Variants in DENND2B observed in about 807,000 individuals in gnomAD.
DENND2B encodes the protein DENN domain containing 2B.
In DENND2B, 32 loss-of-function variants were observed where a neutral mutation model predicts 116.0. The observed-to-expected ratio is 0.28, with a 90% CI of 0.21 to 0.37. The LOEUF is 0.37. DENND2B is among the 10% of genes least tolerant of loss of function. DENND2B has a pLI of 1.00. For missense variants in DENND2B, 1,276 were observed against 1,477.7 expected (o/e 0.86, Z 2.24); for synonymous variants, 588 against 583.9 (o/e 1.01, Z -0.10).
chr11:8,881,662 A>G (rs1194472484), intron 1 of DENND2B, among the ~76,000 whole-genome samples: 1 of 152,048 alleles, frequency 6.6e-6, no homozygotes, highest in Admixed American at 6.6e-5. Context: ...CAGCCTCCTG[A>G]GTAGCTGGGA....
chr11:8,909,183 C>CA (rs952545321), intron 1 of DENND2B, among the ~76,000 whole-genome samples: 7 of 152,114 alleles, frequency 4.6e-5, no homozygotes, highest in East Asian at 1.9e-4. Flanking sequence ...AACCACAGAG[C>CA]AAAAAAGTGG....
At chr11:8,758,082 G>A (rs1044029331) in intron 1 of DENND2B, among the ~76,000 whole-genome samples, 1 of 152,108 alleles carries the variant, frequency 6.6e-6, no homozygotes, top group Non-Finnish European at 1.5e-5. Context: ...CCTACTGAAC[G>A]GGAATCTGTG....
chr11:8,910,562 G>C (rs557190538), intron 1 of DENND2B, among the ~76,000 whole-genome samples: 156 of 149,586 alleles, frequency 1.0e-3, no homozygotes, highest in South Asian at 4.9e-3. Context: ...TCCTCCTACT[G>C]TGTGTGTGTG....
chr11:8,889,892 T>C (rs1171323194), intron 1 of DENND2B, among the ~76,000 whole-genome samples: 3 of 151,580 alleles, frequency 2.0e-5, no homozygotes, highest in African/African-American at 7.3e-5. Context: ...TTGAAGAGAG[T>C]AGTGGTTCTC....
intron 2 of DENND2B, among the ~76,000 whole-genome samples, chr11:8,868,834 G>A (rs775066146): frequency 6.6e-6 from 1 of 152,094 alleles, no homozygotes; most frequent in Non-Finnish European, 1.5e-5. Flanking sequence ...CTATGAAACC[G>A]CCCTGCCTCA....
rs1223745584 is a variant in DENND2B, at chr11:8,702,630, G to C, written c.2662C>G (p.Arg888Gly). 2 of 1,613,714 alleles carry C rather than the reference G, an allele frequency of 1.2e-6. No homozygotes were observed. Among genetic ancestry groups the C allele is most frequent in the African/African-American group, 1.3e-5 (1 of 74,918 alleles). The part of the protein sequence containing the change: ...FTCLSVRQLI[R>G]IFASLLLERR... ...TCCAGCAGCAGTGAGGCAAAGATTC[G>C]GATGAGCTGGCGCACACTGAGGCAG... The change falls in exon 14 of 20, where the codon CGA becomes GGA. Residue 888 changes from arginine (R) to glycine (G), a missense_variant. Physicochemically the swap from Arg to Gly is moderately radical, Grantham distance 125. Transcript: ENST00000313726. This position sits in a 1 kb window ranked among gnomAD's most constrained non-coding sequence, Gnocchi z 4.6.
chr11:8,746,134 C>T (rs553278990), intron 2 of DENND2B, among the ~76,000 whole-genome samples: 29 of 149,386 alleles, frequency 1.9e-4, no homozygotes, highest in East Asian at 1.8e-3. Flanking sequence ...GGGCCTGCCA[C>T]GGCCAGGACA....
intron 2 of DENND2B, among the ~76,000 whole-genome samples, chr11:8,859,368 C>T (rs894743029): frequency 1.3e-5 from 2 of 152,026 alleles, no homozygotes; most frequent in Non-Finnish European, 2.9e-5. Context: ...AGTGCAGTGG[C>T]GCGATCTCGG....
chr11:8,807,303 GC>G (rs1170193999), intron 1 of DENND2B, among the ~76,000 whole-genome samples: 1 of 152,182 alleles, frequency 6.6e-6, no homozygotes, highest in Non-Finnish European at 1.5e-5. Flanking sequence ...GCTTCAGAAG[GC>G]CCAGGCCTCA....
rs111269120 is a variant in DENND2B at position 8,837,904 on chromosome 11, T to G, written c.-115+1406A>C. ...ATCTGGGCTGAGTTTCAAATATTCC[T>G]GAGTTTATGAAGGAGGTGGAAGGTG... On this transcript the variant is annotated intron_variant, in intron 4 of 6. Coordinates refer to the DENND2B transcript ENST00000524757. 3.1e-3 allele frequency among the ~76,000 whole-genome samples: 466 copies of G among 152,102 alleles called. 4 individuals carry two copies. Among genetic ancestry groups the G allele is most frequent in the African/African-American group, 0.011 (452 of 41,504 alleles).
chr11:8,839,497 C>T (rs2568031), intron 3 of DENND2B: 93,760 of 152,064 alleles, frequency 0.62, 30,107 homozygotes, highest in Non-Finnish European at 0.7. Context: ...GAAAGGTGGG[C>T]GGGGAGTTCC....
intron 4 of DENND2B, among the ~76,000 whole-genome samples, chr11:8,828,068 A>AC (rs1376318349): frequency 6.6e-6 from 1 of 152,076 alleles, no homozygotes; most frequent in African/African-American, 2.4e-5. Flanking sequence ...CTTGGGATGG[A>AC]CCCCAAGGCC....
chr11:8,772,868 T>TTCA (rs1565914846), intron 1 of DENND2B, among the ~76,000 whole-genome samples: 117 of 152,202 alleles, frequency 7.7e-4, no homozygotes, highest in African/African-American at 2.6e-3. Flanking sequence ...ACTCCTTGGG[T>TTCA]ATGCTTACAG....
chr11:8,854,601 T>C (rs2063131063), intron 3 of DENND2B, among the ~76,000 whole-genome samples: 1 of 152,236 alleles, frequency 6.6e-6, no homozygotes, highest in Non-Finnish European at 1.5e-5. Flanking sequence ...AGCCACTGGG[T>C]ATGATGGCTC....
At chr11:8,729,007 G>A (rs1422960137) in intron 3 of DENND2B, among the ~76,000 whole-genome samples, 7 of 152,334 alleles carry the variant, frequency 4.6e-5, no homozygotes, top group Admixed American at 1.3e-4. Context: ...GGGCTGTTCC[G>A]GCTCGGGGGT....
At chr11:8,899,838 C>T (rs1404208532) in intron 1 of DENND2B, among the ~76,000 whole-genome samples, 1 of 152,176 alleles carries the variant, frequency 6.6e-6, no homozygotes, top group Non-Finnish European at 1.5e-5. Flanking sequence ...TTTCTCATAA[C>T]TTCTTTAAAA....
At chr11:8,748,514 A>C (rs1393605727) in intron 2 of DENND2B, among the ~76,000 whole-genome samples, 1 of 152,048 alleles carries the variant, frequency 6.6e-6, no homozygotes, top group African/African-American at 2.4e-5. Context: ...ACCAGATCAC[A>C]ATGTCTAAAT....
intron 1 of DENND2B, among the ~76,000 whole-genome samples, chr11:8,786,030 A>G (rs1168114791): frequency 6.6e-6 from 1 of 152,136 alleles, no homozygotes; most frequent in Non-Finnish European, 1.5e-5. Context: ...TTACTGTCCA[A>G]CTCTTCACAA....
At chr11:8,866,248 C>T (rs1174984929) in intron 2 of DENND2B, among the ~76,000 whole-genome samples, 2 of 152,176 alleles carry the variant, frequency 1.3e-5, no homozygotes, top group Admixed American at 6.5e-5. Context: ...CGTGAGCCAC[C>T]GCACCCGACC....
Sources: allele counts gnomAD v4.1 joint callset (sites outside exome capture counted in the v4.1 genomes callset), GRCh38; gene constraint gnomAD v4.1.1; non-coding constraint Gnocchi (gnomAD v3.1); transcripts MANE v1.5; gene names NCBI Gene and HGNC (gene_info 2026-07-23, HGNC 2026-07-21).